The following ST7L variants were observed in gnomAD, a reference collection of about 807,000 sequenced individuals.
The protein encoded by ST7L is suppression of tumorigenicity 7 like, also known as suppressor of tumorigenicity 7 protein-like.
ST7L carries 57 observed loss-of-function variants against 72.5 expected under a neutral mutation model. The observed-to-expected ratio is 0.79, with a 90% CI of 0.64 to 0.98. The LOEUF (loss-of-function observed/expected upper bound fraction) is 0.98. Ranked by LOEUF, ST7L falls within the 50% of genes least tolerant of loss-of-function variation. The pLI is 0.00. For missense variants in ST7L, 576 were observed against 672.2 expected (o/e 0.86, Z 1.58); for synonymous variants, 221 against 240.9 (o/e 0.92, Z 0.77).
intron 5 of ST7L, among the ~76,000 whole-genome samples, chr1:112,597,257 T>C (rs1666624229): frequency 6.6e-6 from 1 of 152,142 alleles, no homozygotes; most frequent in East Asian, 1.9e-4. Flanking sequence ...TAATGAAGGA[T>C]AAAAAGTAAC....
In ST7L at chr1:112,577,530, C is replaced by CAA. The variant is rs527682647; in HGVS notation, c.1143-444_1143-443dup. Among the ~76,000 whole-genome samples the CAA allele has an allele frequency of 8.4e-3, 200 of 23,834 alleles. 8 individuals are homozygous for CAA. Among genetic ancestry groups the CAA allele is most frequent in the African/African-American group, 0.01 (64 of 6,370 alleles). 15.6% of individuals were successfully genotyped at this position (23,834 alleles called of 152,430 possible). ...GGGCAACAAGAGTGAAACTCTGTCT[C>CAA]AAAAAAAAAAAAAAAAAAAAAAAAA... On this transcript the variant is annotated intron_variant, in intron 10 of 14. Coordinates refer to ENST00000358039, the MANE Select transcript of ST7L (RefSeq NM_017744.5).
intron 3 of ST7L, among the ~76,000 whole-genome samples, chr1:112,609,938 G>C (rs918495831): frequency 6.6e-6 from 1 of 152,088 alleles, no homozygotes; most frequent in Non-Finnish European, 1.5e-5. Context: ...GCCTTTTTAA[G>C]TATACTGAAA....
chr1:112,576,929 T>G, intron 11 of ST7L, 57 bp downstream of exon 11: 2 of 1,326,782 alleles, frequency 1.5e-6, no homozygotes, highest in Non-Finnish European at 2.1e-6. Context: ...GTCTACGAAC[T>G]GTCATCAATT....
chr1:112,601,402 C>T (rs1667368616), intron 3 of ST7L, among the ~76,000 whole-genome samples: 1 of 152,210 alleles, frequency 6.6e-6, no homozygotes, highest in Non-Finnish European at 1.5e-5. Context: ...CCTGCCACCA[C>T]ACCCGGCTAA....
At chr1:112,599,732 A>T (rs1407450679) in intron 4 of ST7L, among the ~76,000 whole-genome samples, 2 of 152,158 alleles carry the variant, frequency 1.3e-5, no homozygotes, top group Non-Finnish European at 2.9e-5. Context: ...TTTTTTCTTA[A>T]TGTCACAAAT....
At chr1:112,552,516 T>G (rs1486588023) in intron 12 of ST7L, among the ~76,000 whole-genome samples, 2 of 152,152 alleles carry the variant, frequency 1.3e-5, no homozygotes, top group East Asian at 3.9e-4. Flanking sequence ...GTGATTCTCC[T>G]GCCTCAGCCT....
chr1:112,543,888 A>C (rs2101441767), intron 13 of ST7L, among the ~76,000 whole-genome samples: 1 of 151,756 alleles, frequency 6.6e-6, no homozygotes, highest in South Asian at 2.1e-4. Context: ...AAAAAAAAAA[A>C]AAACCTAAAC....
intron 14 of ST7L, chr1:112,540,494 A>C: frequency 3.0e-6 from 3 of 985,436 alleles, no homozygotes; most frequent in Non-Finnish European, 3.6e-6. Context: ...TTTCCAAACC[A>C]AATAGCTATA....
At position 112,600,825 on chromosome 1, in the gene ST7L, G is replaced by T; in HGVS notation, c.475C>A (p.Leu159Ile). ...TATTCTGCTCCTCTGAAAAGATTTA[G>T]AGGGTTTCTCCATACCTTACATTCT... ...LSECKVWRNP[L>I]NLFRGAEYRR... Residue 159 changes from leucine (L) to isoleucine (I), a missense_variant, in exon 4 of 15, where the codon CTA becomes ATA. Physicochemically the swap from Leu to Ile is conservative, Grantham distance 5. Coordinates refer to ENST00000358039, the MANE Select transcript of ST7L (RefSeq NM_017744.5). 1 of 1,610,556 alleles carries T rather than the reference G, an allele frequency of 6.2e-7. No homozygotes were observed. The highest frequency in any genetic ancestry group is 8.5e-7 in the Non-Finnish European group (1 of 1,178,038).
At chr1:112,547,571 T>C (rs1657330712) in intron 13 of ST7L, among the ~76,000 whole-genome samples, 1 of 132,716 alleles carries the variant, frequency 7.5e-6, no homozygotes, top group Non-Finnish European at 1.6e-5. Flanking sequence ...CTTTTTTTTT[T>C]TTTTTTTTTT....
At chr1:112,553,164 T>C (rs1658514735) in intron 12 of ST7L, among the ~76,000 whole-genome samples, 1 of 152,022 alleles carries the variant, frequency 6.6e-6, no homozygotes, top group African/African-American at 2.4e-5. Flanking sequence ...AAAGCAAAAG[T>C]AAGTTGAATT....
At chr1:112,604,258 G>A (rs564018873) in intron 3 of ST7L, among the ~76,000 whole-genome samples, 41 of 152,178 alleles carry the variant, frequency 2.7e-4, no homozygotes, top group East Asian at 1.2e-3. Context: ...GCAGTGAGCC[G>A]AAATGGTGCC....
Position 112,618,924 on chromosome 1 carries a change from C to CA in ST7L, c.189dup (p.Glu64Ter), listed in dbSNP as rs1491486496. On this transcript the variant is annotated frameshift_variant, in exon 1 of 15. Transcript: ENST00000358039. LOFTEE classifies it high-confidence loss of function. ...GTCCTCTCACCCGCTGCCAAATTCT[C>CA]ACACAGCCTCAAAGGGATCCTCAGG... 1.3e-6 allele frequency: 2 copies of CA among 1,565,686 alleles called. No homozygotes were observed. The highest frequency in any genetic ancestry group is 4.8e-5 in the East Asian group (2 of 41,640).
At chr1:112,556,725 C>G (rs1398427654) in intron 11 of ST7L, among the ~76,000 whole-genome samples, 1 of 151,802 alleles carries the variant, frequency 6.6e-6, no homozygotes. Context: ...CACCTGTAAT[C>G]CCAACACTTT....
At chr1:112,563,123 A>AT (rs1660448170) in intron 11 of ST7L, among the ~76,000 whole-genome samples, 1 of 145,654 alleles carries the variant, frequency 6.9e-6, no homozygotes, top group Non-Finnish European at 1.5e-5. Context: ...ATAATAATAT[A>AT]TTTTTTAAAG....
chr1:112,612,970 T>A (rs1433055509), intron 2 of ST7L, among the ~76,000 whole-genome samples: 1 of 151,504 alleles, frequency 6.6e-6, no homozygotes, highest in African/African-American at 2.4e-5. Flanking sequence ...ATAAAAAAAA[T>A]GAGCCAGGTG....
chr1:112,591,332 T>A (rs1205390656), intron 6 of ST7L, 193 bp downstream of exon 6: 1 of 547,476 alleles, frequency 1.8e-6, no homozygotes, highest in Admixed American at 3.6e-5. Flanking sequence ...TTCAAAAGCA[T>A]ATATAGATTT....
intron 13 of ST7L, among the ~76,000 whole-genome samples, chr1:112,550,105 T>C (rs888996882): frequency 6.6e-6 from 1 of 152,194 alleles, no homozygotes; most frequent in African/African-American, 2.4e-5. Flanking sequence ...CAAACTTGCA[T>C]TTGTGAGGTA....
chr1:112,613,074 G>T (rs1380679391), intron 2 of ST7L, among the ~76,000 whole-genome samples: 1 of 151,694 alleles, frequency 6.6e-6, no homozygotes, highest in Non-Finnish European at 1.5e-5. Flanking sequence ...AGCTGTGATT[G>T]TACCACTTCA....
Sources: allele counts gnomAD v4.1 joint callset (sites outside exome capture counted in the v4.1 genomes callset), GRCh38; gene constraint gnomAD v4.1.1; transcripts MANE v1.5; gene names NCBI Gene and HGNC (gene_info 2026-07-23, HGNC 2026-07-21).